Variants in CD24 observed in about 807,000 individuals in gnomAD.
CD24 encodes the protein CD24 molecule, also known as signal transducer CD24.
CD24 carries 2 observed loss-of-function variants against 3.6 expected under a neutral mutation model. The observed-to-expected ratio is 0.56, with a 90% CI of 0.23 to 1.77. CD24 has a LOEUF of 1.77. CD24 is among the 40% of genes most tolerant of loss of function. The pLI, the probability that CD24 is intolerant of heterozygous loss-of-function variation, is 0.18. For synonymous variants in CD24, 33 were observed against 44.9 expected, an observed-to-expected ratio of 0.74 and a Z score of 1.06; for missense variants, 62 against 93.6, an observed-to-expected ratio of 0.66 and a Z score of 1.39.
At chr6:106,975,547 G>C (rs1773093733), upstream of CD24, 1 of 152,248 alleles carries the variant, frequency 6.6e-6, no homozygotes, top group Non-Finnish European at 1.5e-5. Context: ...GTGAGCTCAC[G>C]GGGGCGTCCC....
chr6:106,974,443 C>G, intron 1 of CD24, 135 bp downstream of exon 1: 1 of 553,492 alleles, frequency 1.8e-6, no homozygotes, highest in Non-Finnish European at 3.0e-6. Flanking sequence ...CCCTGGTCAG[C>G]TAAGCAAGAT....
At chr6:106,973,994 G>A in intron 1 of CD24, 1 of 398,058 alleles carries the variant, frequency 2.5e-6, no homozygotes, top group East Asian at 3.6e-5. Context: ...GTCAGGAGAG[G>A]GTCCCCGCCT....
At chr6:106,974,221 G>A (rs1172576340) in intron 1 of CD24, among the ~76,000 whole-genome samples, 4 of 152,198 alleles carry the variant, frequency 2.6e-5, no homozygotes, top group Non-Finnish European at 5.9e-5. Flanking sequence ...CAGGGAGCCC[G>A]AGCTCTCCAG....
upstream of CD24, chr6:106,974,828 C>G (rs1421780481): frequency 1.4e-5 from 6 of 437,538 alleles, no homozygotes; most frequent in Admixed American, 4.9e-5. Flanking sequence ...CCGCCGCCGC[C>G]CGCCGCCTCC....
chr6:106,972,429 TTG>T (rs1772995944), intron 1 of CD24, among the ~76,000 whole-genome samples: 1 of 152,146 alleles, frequency 6.6e-6, no homozygotes, highest in Non-Finnish European at 1.5e-5. Context: ...GCCACAATAT[TTG>T]TGTTAAATTG....
Position 106,974,614 on chromosome 6 carries a change from C to G in CD24, c.33G>C (p.Leu11=). MGRAMVARLG[L]GLLLLALLLP... is the part of the protein sequence containing the mutation. ...GGAGCAGTGCCAGCAGCAGCAGCCC[C>G]AGCCCGAGCCTGGCCACCATTGCTC... Residue 11 remains leucine (L), a synonymous_variant, in exon 1 of 2, where the codon CTG becomes CTC. Coordinates refer to ENST00000606017, the MANE Select transcript of CD24 (RefSeq NM_001359084.1). The G allele has an allele frequency of 6.8e-7, 1 of 1,472,550 alleles. No homozygotes were observed. 91.2% of individuals were successfully genotyped at this position (1,472,550 alleles called of 1,614,324 possible). A position where few individuals can be genotyped will look rare whatever the true frequency, so the allele number is the denominator to read the frequency against.
chr6:106,974,636 G>A lies in CD24; in HGVS notation c.11C>T (p.Ala4Val), dbSNP rs897955721. 6.8e-5 allele frequency: 102 copies of A among 1,490,234 alleles called. 1 individual carries two copies. Among genetic ancestry groups the A allele is most frequent in the Non-Finnish European group, 8.7e-5 (98 of 1,123,568 alleles). The allele number at this position is 1,490,234 out of a possible 1,614,324, so 92.3% of individuals were successfully genotyped here. ...CCCCAGCCCGAGCCTGGCCACCATT[G>A]CTCTGCCCATGTCCCCTCCGTCGGT... MGR[A>V]MVARLGLGLL... The change falls in exon 1 of 2, where the codon GCA becomes GTA. Residue 4 changes from alanine (A) to valine (V), a missense_variant. By Grantham distance (64) the Ala-to-Val change is moderately conservative. Transcript: ENST00000606017.
At chr6:106,974,844 T>G, upstream of CD24, 2 of 319,006 alleles carry the variant, frequency 6.3e-6, no homozygotes, top group Admixed American at 5.4e-5. Flanking sequence ...CCTCCCCGCC[T>G]TCCCCGCCCC....
Position 106,969,861 on chromosome 6 carries a change from A to G in CD24, c.*1800T>C, listed in dbSNP as rs1385677230. The G allele has an allele frequency of 6.6e-6, 1 of 152,658 alleles. No individual in the cohort carries two copies. The highest frequency in any genetic ancestry group is 2.4e-5 in the African/African-American group (1 of 41,460). 9.5% of individuals were successfully genotyped at this position (152,658 alleles called of 1,614,324 possible). The stretch of plus-strand genomic sequence containing the variant: ...CTTTCAGCCATTTCTTTTTATTTAC[A>G]GTTTGTGTTCAATGCAAATCAATTC... On this transcript the variant is annotated 3_prime_UTR_variant, in exon 2 of 2. Coordinates refer to ENST00000606017, the MANE Select transcript of CD24 (RefSeq NM_001359084.1).
intron 1 of CD24, chr6:106,973,637 C>T: frequency 5.0e-6 from 2 of 398,528 alleles, no homozygotes; most frequent in Non-Finnish European, 8.8e-6. Flanking sequence ...TCACTCCCAT[C>T]CTCCAAACCC....
chr6:106,976,191 ACT>A (rs1413801521), upstream of CD24, among the ~76,000 whole-genome samples: 5 of 151,836 alleles, frequency 3.3e-5, no homozygotes, highest in African/African-American at 1.2e-4. Context: ...TTTGCAGAAC[ACT>A]CTCGTTAGTA....
chr6:106,972,857 A>G (rs1472213617), intron 1 of CD24, among the ~76,000 whole-genome samples: 1 of 152,188 alleles, frequency 6.6e-6, no homozygotes, highest in Non-Finnish European at 1.5e-5. Flanking sequence ...AAGCCCTCCT[A>G]CATCAGCACC....
At chr6:106,975,351 C>T (rs1373745604), upstream of CD24, 1 of 152,014 alleles carries the variant, frequency 6.6e-6, no homozygotes, top group Non-Finnish European at 1.5e-5. Context: ...GTGGCGCGGA[C>T]GCGGGCCGGA....
rs1772926662 is a variant in CD24, at chr6:106,969,910, A to T, written c.*1751T>A. The T allele has an allele frequency of 6.6e-6, 1 of 152,636 alleles. No individual in the cohort carries two copies. The allele number at this position is 152,636 out of a possible 1,614,324, so 9.5% of individuals were successfully genotyped here. A position where few individuals can be genotyped will look rare whatever the true frequency, so the allele number is the denominator to read the frequency against. ...TCCATAAGAAGTTACTATGAATCAAAGCGTAAATACACAAACACAATATAC... is the reference window on the plus strand; with the variant it reads ...TCCATAAGAAGTTACTATGAATCAATGCGTAAATACACAAACACAATATAC... On this transcript the variant is annotated 3_prime_UTR_variant, in exon 2 of 2. Coordinates refer to ENST00000606017, the MANE Select transcript of CD24 (RefSeq NM_001359084.1).
At chr6:106,974,551 G>A in intron 1 of CD24, 27 bp downstream of exon 1, 1 of 1,385,744 alleles carries the variant, frequency 7.2e-7, no homozygotes, top group Non-Finnish European at 9.4e-7. Flanking sequence ...AACGGCCCTC[G>A]AGCCCCGCCG....
At position 106,970,356 on chromosome 6, in the gene CD24, A is replaced by G. The variant is rs1189529974; in HGVS notation, c.*1305T>C. On this transcript the variant is annotated 3_prime_UTR_variant, in exon 2 of 2. Transcript: ENST00000606017. Reference sequence around the variant, plus strand: ...ACAGAAAGAGTATAAAAGTTTGTGAATTTAATGCAAATTAGCTTCCAGTCT... The same window carrying G: ...ACAGAAAGAGTATAAAAGTTTGTGAGTTTAATGCAAATTAGCTTCCAGTCT... The G allele has an allele frequency of 3.9e-5, 6 of 152,052 alleles. No homozygotes were observed. Among genetic ancestry groups the G allele is most frequent in the Non-Finnish European group, 8.8e-5 (6 of 67,880 alleles). The allele number at this position is 152,052 out of a possible 1,614,324, so 9.4% of individuals were successfully genotyped here.
chr6:106,973,795 G>T (rs1475132440), intron 1 of CD24: 1 of 398,396 alleles, frequency 2.5e-6, no homozygotes, highest in Non-Finnish European at 4.4e-6. Context: ...CCGGGGCGAG[G>T]TTCCCCGGAT....
intron 1 of CD24, chr6:106,973,651 C>G: frequency 2.5e-6 from 1 of 398,710 alleles, no homozygotes; most frequent in Non-Finnish European, 4.4e-6. Flanking sequence ...CAAACCCGAA[C>G]TGACCCAAAC....
At chr6:106,971,871 C>T (rs2114898016) in intron 1 of CD24, 37 bp from the exon 2 acceptor site, 1 of 1,361,112 alleles carries the variant, frequency 7.3e-7, no homozygotes, top group Non-Finnish European at 1.0e-6. Flanking sequence ...TACATTTCCA[C>T]ATCACAGCTA....
Sources: gnomAD v4.1 joint callset for allele counts (sites outside exome capture counted in the v4.1 genomes callset) on GRCh38, gnomAD v4.1.1 for gene constraint, MANE v1.5 for transcripts, NCBI Gene and HGNC (gene_info 2026-07-23, HGNC 2026-07-21) for gene names.